The following KCND2 variants were observed in gnomAD, a reference collection of about 807,000 sequenced individuals.
KCND2 encodes the protein A-type voltage-gated potassium channel KCND2.
In KCND2, 16 loss-of-function variants were observed where a neutral mutation model predicts 54.4. The ratio of observed to expected loss-of-function variants is 0.29; its 90% CI spans 0.20 to 0.45. The LOEUF (loss-of-function observed/expected upper bound fraction) is 0.45, where lower values mean the gene tolerates loss of function less well. Ranked by LOEUF, KCND2 falls within the 20% of genes least tolerant of loss-of-function variation. The pLI is 1.00. For synonymous variants in KCND2, 317 were observed against 310.7 expected (o/e 1.02, Z -0.21); for missense variants, 486 against 824.2 (o/e 0.59, Z 5.02).
chr7:120,385,421 T>C (rs927883641), intron 1 of KCND2, among the ~76,000 whole-genome samples: 4 of 152,134 alleles, frequency 2.6e-5, no homozygotes, highest in Non-Finnish European at 5.9e-5. Flanking sequence ...TTAGTAAATG[T>C]TGGTCGAATA....
At chr7:120,662,713 ATGTGGCTTAGGCACCAAAT>A (rs1791881466) in intron 1 of KCND2, among the ~76,000 whole-genome samples, 1 of 152,224 alleles carries the variant, frequency 6.6e-6, no homozygotes, top group Non-Finnish European at 1.5e-5. Context: ...CCTGCATAAA[ATGTGGCTTAGGCACCAAAT>A]CAACTACCAA....
chr7:120,687,151 C>T (rs1298829719), intron 1 of KCND2, among the ~76,000 whole-genome samples: 2 of 152,040 alleles, frequency 1.3e-5, no homozygotes, highest in African/African-American at 2.4e-5. Flanking sequence ...AAGCCAGACA[C>T]GGAAGGACAA....
At chr7:120,558,117 A>G (rs1792186669) in intron 1 of KCND2, among the ~76,000 whole-genome samples, 2 of 152,134 alleles carry the variant, frequency 1.3e-5, no homozygotes, top group African/African-American at 2.4e-5. Flanking sequence ...AGACCTTTCA[A>G]AATTGTCATA....
At chr7:120,581,974 G>C (rs567550179) in intron 1 of KCND2, among the ~76,000 whole-genome samples, 3 of 151,918 alleles carry the variant, frequency 2.0e-5, no homozygotes, top group Non-Finnish European at 2.9e-5. Flanking sequence ...TCAGCCTCCC[G>C]AAGTGCTGGG....
chr7:120,638,555 A>T (rs898790135), intron 1 of KCND2, among the ~76,000 whole-genome samples: 1 of 152,146 alleles, frequency 6.6e-6, no homozygotes, highest in East Asian at 1.9e-4. Context: ...GTGAAATTTT[A>T]TGTGGATCCT....
At chr7:120,631,286 G>A (rs1379781750) in intron 1 of KCND2, among the ~76,000 whole-genome samples, 9 of 151,978 alleles carry the variant, frequency 5.9e-5, no homozygotes. Flanking sequence ...CATAAAAAAT[G>A]AATATAGTGT....
At chr7:120,472,835 C>T (rs972730744) in intron 1 of KCND2, among the ~76,000 whole-genome samples, 7 of 152,270 alleles carry the variant, frequency 4.6e-5, no homozygotes, top group Middle Eastern at 6.8e-3. Flanking sequence ...CATATAGGAA[C>T]GGCTCCAGCC....
chr7:120,644,431 A>T (rs1793413502), intron 1 of KCND2, among the ~76,000 whole-genome samples: 1 of 152,230 alleles, frequency 6.6e-6, no homozygotes, highest in Admixed American at 6.5e-5. Context: ...AAACTGTGGG[A>T]TAAATGACTC....
intron 1 of KCND2, among the ~76,000 whole-genome samples, chr7:120,335,850 T>G (rs1224366329): frequency 6.6e-6 from 1 of 152,212 alleles, no homozygotes; most frequent in East Asian, 1.9e-4. Flanking sequence ...GCGATTGCCA[T>G]TTACAAGTAA....
At chr7:120,323,079 A>G (rs1248637409) in intron 1 of KCND2, among the ~76,000 whole-genome samples, 1 of 152,008 alleles carries the variant, frequency 6.6e-6, no homozygotes, top group Non-Finnish European at 1.5e-5. Flanking sequence ...TGCTGCACCT[A>G]TCAACCCATC....
intron 1 of KCND2, among the ~76,000 whole-genome samples, chr7:120,457,433 A>G (rs1480600947): frequency 6.6e-6 from 1 of 152,102 alleles, no homozygotes; most frequent in Non-Finnish European, 1.5e-5. Flanking sequence ...CAGATACCCT[A>G]AATCATCTCT....
At chr7:120,724,657 T>C (rs1030059031) in intron 1 of KCND2, among the ~76,000 whole-genome samples, 3 of 152,062 alleles carry the variant, frequency 2.0e-5, no homozygotes, top group Non-Finnish European at 2.9e-5. Context: ...GAGAATGACA[T>C]GACCAGACTC....
At chr7:120,556,968 C>T (rs1792173664) in intron 1 of KCND2, among the ~76,000 whole-genome samples, 1 of 152,110 alleles carries the variant, frequency 6.6e-6, no homozygotes, top group Non-Finnish European at 1.5e-5. Context: ...TATTGATAAA[C>T]CAACAATGTG....
At chr7:120,361,514 C>A (rs1800592532) in intron 1 of KCND2, among the ~76,000 whole-genome samples, 1 of 151,756 alleles carries the variant, frequency 6.6e-6, no homozygotes, top group Non-Finnish European at 1.5e-5. Context: ...CTTAGAAGGG[C>A]AATTTGTAAA....
chr7:120,441,217 A>T (rs1018594050), intron 1 of KCND2, among the ~76,000 whole-genome samples: 1 of 152,082 alleles, frequency 6.6e-6, no homozygotes, highest in Non-Finnish European at 1.5e-5. Context: ...TCTTTTCTAG[A>T]TGTATTAAAT....
chr7:120,327,017 G>A (rs193266146), intron 1 of KCND2, among the ~76,000 whole-genome samples: 181 of 151,606 alleles, frequency 1.2e-3, no homozygotes, highest in Admixed American at 1.9e-3. Context: ...GAGGAAAAAT[G>A]CCATTTTTTT....
intron 1 of KCND2, among the ~76,000 whole-genome samples, chr7:120,333,899 C>T (rs1800105786): frequency 1.3e-5 from 2 of 152,124 alleles, no homozygotes; most frequent in East Asian, 3.9e-4. Context: ...CACTTTAGAT[C>T]TTAACAATAT....
chr7:120,442,253 T>G (rs1801955815), intron 1 of KCND2, among the ~76,000 whole-genome samples: 1 of 152,092 alleles, frequency 6.6e-6, no homozygotes, highest in Non-Finnish European at 1.5e-5. Flanking sequence ...TCCATGAGTC[T>G]AATCCAGCCA....
rs528437350 is a variant in KCND2, at chr7:120,691,949, C to G, written c.1116-40954C>G. 1.2e-4 allele frequency among the ~76,000 whole-genome samples: 18 copies of G among 152,232 alleles called. No individual in the cohort carries two copies. The South Asian group carries it at 3.7e-3, about 32-fold the overall frequency. On this transcript the variant is annotated intron_variant, in intron 1 of 5. Transcript: ENST00000331113. ...GTTTCAAGGAGGACCTTGTGGTCAG[C>G]TGTGTCAAATTCTGGGTCAAGGGAG...
Sources: allele counts gnomAD v4.1 joint callset (sites outside exome capture counted in the v4.1 genomes callset), GRCh38; gene constraint gnomAD v4.1.1; transcripts MANE v1.5; gene names NCBI Gene and HGNC (gene_info 2026-07-23, HGNC 2026-07-21).